VWA3A: variants seen among roughly 807,000 people sequenced by gnomAD.
The protein encoded by VWA3A is von Willebrand factor A domain containing 3A.
VWA3A carries 134 observed loss-of-function variants against 160.4 expected under a neutral mutation model. That is an observed-to-expected ratio of 0.84 (90% CI 0.73 to 0.96). VWA3A has a LOEUF of 0.96. Ranked by LOEUF, VWA3A falls within the 40% of genes least tolerant of loss-of-function variation. The probability of loss-of-function intolerance (pLI) is 0.00; values close to 1 mark genes in which losing one functional copy is unlikely to be tolerated. For synonymous variants in VWA3A, 476 were observed against 543.4 expected, an observed-to-expected ratio of 0.88 and a Z score of 1.72; for missense variants, 1,310 against 1,447.9, an observed-to-expected ratio of 0.90 and a Z score of 1.55.
rs760576694 is a variant in VWA3A at position 22,149,925 on chromosome 16, A to T, written c.3123A>T (p.Ala1041=). Residue 1041 remains alanine (A), a synonymous_variant, in exon 29 of 34, where the codon GCA becomes GCT. Coordinates refer to ENST00000389398, the MANE Select transcript of VWA3A (RefSeq NM_173615.5). The stretch of plus-strand genomic sequence containing the variant: ...AGGGCAGCACCTCCATCTTGCAAGC[A>T]TTGCTGGCAAGTCCCACCACGGAGC... ...QAQGSTSILQ[A]LLKAFSFHDL... 1.9e-6 allele frequency: 3 copies of T among 1,605,582 alleles called. No individual in the cohort carries two copies.
chr16:22,123,612 G>A lies in VWA3A; in HGVS notation c.1438-1G>A, dbSNP rs749585157. On this transcript the variant is annotated splice_acceptor_variant, in intron 15 of 33. Transcript: ENST00000389398. LOFTEE classifies it high-confidence loss of function. Reference sequence around the variant, plus strand: ...GCTCACTGTGGCCCACACTTCTGCAGCAACAGCTCAGCAGAGCTATGCGGA... The same window carrying A: ...GCTCACTGTGGCCCACACTTCTGCAACAACAGCTCAGCAGAGCTATGCGGA... 8.1e-6 allele frequency: 13 copies of A among 1,613,808 alleles called. No homozygotes were observed. In the Admixed American group the frequency reaches 1.8e-4, roughly 23 times the overall value.
At position 22,152,559 on chromosome 16, in the gene VWA3A, C is replaced by T; in HGVS notation, c.3330C>T (p.Arg1110=). The change falls in exon 31 of 34, where the codon CGC becomes CGT. Residue 1110 remains arginine (R), a synonymous_variant. Transcript: ENST00000389398. ...LRKLASFTGG[R]YHCPVGEDTL... ...AGCTGGCTTCCTTCACCGGCGGACG[C>T]TATCACTGCCCTGTGGGTGAGGACA... 6.2e-7 allele frequency: 1 copy of T among 1,612,630 alleles called. No homozygotes were observed. The highest frequency in any genetic ancestry group is 8.5e-7 in the Non-Finnish European group (1 of 1,179,328).
At chr16:22,135,151 T>G (rs1439634729) in intron 21 of VWA3A, among the ~76,000 whole-genome samples, 1 of 152,214 alleles carries the variant, frequency 6.6e-6, no homozygotes, top group East Asian at 1.9e-4. Flanking sequence ...CTCACTAAAC[T>G]GACTTAGCAA....
At chr16:22,129,923 C>T (rs1287019937) in intron 17 of VWA3A, among the ~76,000 whole-genome samples, 1 of 152,072 alleles carries the variant, frequency 6.6e-6, no homozygotes, top group Admixed American at 6.6e-5. Flanking sequence ...CGCGGTGGCT[C>T]ACCCCTGTAA....
intron 6 of VWA3A, among the ~76,000 whole-genome samples, chr16:22,109,062 G>A (rs538185410): frequency 6.6e-5 from 10 of 152,210 alleles, no homozygotes; most frequent in South Asian, 2.1e-4. Flanking sequence ...TGCAGCTGGC[G>A]AACCTAACAC....
chr16:22,123,071 A>G lies in VWA3A; in HGVS notation c.1357-14A>G, dbSNP rs748990683. ...TGTTCGCCTGCTCACCCTCCTGCCC[A>G]TGCCTGAGTATAGAAGGCAATGATA... On this transcript the variant is annotated splice_polypyrimidine_tract_variant and intron_variant, in intron 14 of 33. Coordinates refer to ENST00000389398, the MANE Select transcript of VWA3A (RefSeq NM_173615.5). 1 of 1,588,994 alleles carries G rather than the reference A, an allele frequency of 6.3e-7. No individual in the cohort carries two copies. Among genetic ancestry groups the G allele is most frequent in the East Asian group, 2.3e-5 (1 of 44,140 alleles).
chr16:22,145,973 C>T (rs531618625), intron 26 of VWA3A, among the ~76,000 whole-genome samples: 2 of 152,026 alleles, frequency 1.3e-5, no homozygotes, highest in East Asian at 1.9e-4. Context: ...CAGACACATG[C>T]CACCACACCA....
rs1442656547 is a variant in VWA3A, at chr16:22,138,519, C to T, written c.2292+7C>T. On this transcript the variant is annotated splice_region_variant and intron_variant, in intron 22 of 33. Coordinates refer to ENST00000389398, the MANE Select transcript of VWA3A (RefSeq NM_173615.5). ...CCCCCTGGGGGCCAGAATGGTTTGA[C>T]TCCCCTCCTAATAACACGCAGAAGA... The T allele has an allele frequency of 5.6e-6, 9 of 1,613,628 alleles. No individual in the cohort carries two copies. Among genetic ancestry groups the T allele is most frequent in the Admixed American group, 5.0e-5 (3 of 59,962 alleles).
intron 22 of VWA3A, among the ~76,000 whole-genome samples, chr16:22,139,909 A>G (rs2046112284): frequency 6.6e-6 from 1 of 152,128 alleles, no homozygotes; most frequent in Non-Finnish European, 1.5e-5. Flanking sequence ...ATACATACAC[A>G]TATGCACATG....
chr16:22,148,284 C>G lies in VWA3A; in HGVS notation c.2962C>G (p.Gln988Glu). The G allele has an allele frequency of 1.3e-6, 2 of 1,597,260 alleles. No homozygotes were observed. Among genetic ancestry groups the G allele is most frequent in the Non-Finnish European group, 8.5e-7 (1 of 1,172,152 alleles). ...AGAGCTGGTTTTGCTGATTTGGGAA[C>G]AGCTGCGGAAGTGCTGTGACAGGTA... ...KTELVLLIWE[Q>E]LRKCCDSFNL... is the part of the protein sequence containing the mutation. Residue 988 changes from glutamine (Q) to glutamate (E), a missense_variant, in exon 28 of 34, where the codon CAG becomes GAG. Coordinates refer to ENST00000389398, the MANE Select transcript of VWA3A (RefSeq NM_173615.5).
chr16:22,116,485 A>G (rs1227581467), intron 9 of VWA3A: 1 of 526,748 alleles, frequency 1.9e-6, no homozygotes, highest in Non-Finnish European at 3.4e-6. Context: ...GAAAGAAAAG[A>G]AAGAGAAGGA....
intron 11 of VWA3A, among the ~76,000 whole-genome samples, chr16:22,118,508 A>ACCC (rs1428511591): frequency 2.0e-5 from 3 of 151,880 alleles, no homozygotes; most frequent in African/African-American, 4.8e-5. Flanking sequence ...ACACGGTGAA[A>ACCC]CCCCGTCTCT....
chr16:22,126,736 A>G (rs959450798), intron 17 of VWA3A, among the ~76,000 whole-genome samples: 1 of 152,148 alleles, frequency 6.6e-6, no homozygotes, highest in Non-Finnish European at 1.5e-5. Context: ...GGCCAGGTGC[A>G]GTGGCTCACG....
rs569070671 is a variant in VWA3A at position 22,101,993 on chromosome 16, A to T, written c.429-1482A>T. Among the ~76,000 whole-genome samples the T allele has an allele frequency of 5.3e-4, 80 of 152,336 alleles. 4 individuals are homozygous for T. In the South Asian group the frequency reaches 0.016, roughly 31 times the overall value. On this transcript the variant is annotated intron_variant, in intron 5 of 33. Coordinates refer to ENST00000389398, the MANE Select transcript of VWA3A (RefSeq NM_173615.5). The stretch of plus-strand genomic sequence containing the variant: ...AACTGGGGCTCAGAAAGGTTACCAC[A>T]CCTGTCCAAGGTCACACAGCTAGTA...
At chr16:22,122,951 G>T (rs1398917870) in intron 14 of VWA3A, 134 bp from the exon 15 acceptor site, 4 of 679,586 alleles carry the variant, frequency 5.9e-6, no homozygotes, top group Non-Finnish European at 1.1e-5. Context: ...GATGTGGGAG[G>T]GAGTTCGATC....
intron 21 of VWA3A, among the ~76,000 whole-genome samples, chr16:22,135,811 A>T (rs1174487287): frequency 6.6e-6 from 1 of 151,694 alleles, no homozygotes; most frequent in Non-Finnish European, 1.5e-5. Context: ...TTTTTTTGAG[A>T]CAGAGTCTCA....
chr16:22,123,354 A>C (rs2045780780), intron 15 of VWA3A, 189 bp downstream of exon 15: 3 of 320,644 alleles, frequency 9.4e-6, no homozygotes, highest in Non-Finnish European at 4.7e-6. Flanking sequence ...CAATGCCTTT[A>C]AAAAAAAAAA....
chr16:22,108,650 G>T (rs531926383), intron 6 of VWA3A, among the ~76,000 whole-genome samples: 39 of 152,266 alleles, frequency 2.6e-4, no homozygotes, highest in Non-Finnish European at 5.0e-4. Flanking sequence ...TAGATATCCA[G>T]TAAAGTAGGA....
intron 12 of VWA3A, among the ~76,000 whole-genome samples, chr16:22,120,023 A>T (rs2045706613): frequency 6.6e-6 from 1 of 152,170 alleles, no homozygotes; most frequent in African/African-American, 2.4e-5. Flanking sequence ...CAAAAAAAAA[A>T]AAAAATTATA....
Sources: gnomAD v4.1 joint callset for allele counts (sites outside exome capture counted in the v4.1 genomes callset) on GRCh38, gnomAD v4.1.1 for gene constraint, MANE v1.5 for transcripts, NCBI Gene and HGNC (gene_info 2026-07-23, HGNC 2026-07-21) for gene names.